Variants in TRAPPC2L observed in about 807,000 individuals in gnomAD.
TRAPPC2L encodes the protein trafficking protein particle complex subunit 2L, also known as trafficking protein particle complex subunit 2-like protein.
A neutral mutation model predicts 13.2 loss-of-function variants in TRAPPC2L; 17 were observed. The observed-to-expected ratio is 1.29, with a 90% confidence interval of 0.88 to 1.93. The LOEUF is 1.93. Ranked by LOEUF, TRAPPC2L falls within the 30% of genes most tolerant of loss-of-function variation. The probability of loss-of-function intolerance (pLI) is 0.00; values close to 1 mark genes in which losing one functional copy is unlikely to be tolerated. For missense variants in TRAPPC2L, 359 were observed against 252.1 expected, an observed-to-expected ratio of 1.42 and a Z score of -2.87; for synonymous variants, 150 against 98.1, an observed-to-expected ratio of 1.53 and a Z score of -3.12.
At chr16:88,857,764 C>T (rs1392354895) in intron 1 of TRAPPC2L, among the ~76,000 whole-genome samples, 1 of 152,230 alleles carries the variant, frequency 6.6e-6, no homozygotes, top group Admixed American at 6.5e-5. Flanking sequence ...CCTTTGCACG[C>T]GGAACACCTC....
chr16:88,861,293 G>C (rs1164875864), exon 4 of TRAPPC2L: 1 of 399,782 alleles, frequency 2.5e-6, no homozygotes, highest in East Asian at 5.8e-5. Flanking sequence ...TGCAGGACCT[G>C]TGACCATGTG....
exon 4 of TRAPPC2L, chr16:88,861,269 A>T (rs1053989623): frequency 2.0e-5 from 8 of 407,798 alleles, no homozygotes; most frequent in African/African-American, 1.6e-4. Context: ...CCTGGAGCCA[A>T]GAGTTCCTGA....
chr16:88,860,093 C>G (rs1032513800), exon 4 of TRAPPC2L: 2 of 937,882 alleles, frequency 2.1e-6, no homozygotes, highest in Non-Finnish European at 3.3e-6. Context: ...GCTATGAGCA[C>G]CATCCCCCTA....
At position 88,861,720 on chromosome 16, in the gene TRAPPC2L, C is replaced by T. The variant is rs139080306; in HGVS notation, c.*1396C>T. The T allele has an allele frequency of 7.1e-3, 3,303 of 463,862 alleles. 28 individuals carry two copies. Among genetic ancestry groups the T allele is most frequent in the Non-Finnish European group, 9.1e-3 (2,076 of 227,634 alleles). The allele number at this position is 463,862 out of a possible 1,614,324, so 28.7% of individuals were successfully genotyped here. ...CGTCCTTGGGGTCCAGCGGTCAAGG[C>T]TCAGCCCGCTGAGGGGACCCCCCCG... is the stretch of plus-strand genomic sequence containing the variant. On this transcript the variant is annotated 3_prime_UTR_variant, in exon 4 of 4. Transcript: ENST00000565504.
chr16:88,857,569 A>G lies in TRAPPC2L; in HGVS notation c.33+386A>G, dbSNP rs148550023. On this transcript the variant is annotated intron_variant, in intron 1 of 3. Transcript: ENST00000565504. Reference sequence around the variant, plus strand: ...CCTCCTGCCAGTCTCCCCGGAGCCGAGTTAAAAACAAATCGGATCCTGTCA... The same window carrying G: ...CCTCCTGCCAGTCTCCCCGGAGCCGGGTTAAAAACAAATCGGATCCTGTCA... 4.5e-3 allele frequency: 1,152 copies of G among 255,844 alleles called. 17 individuals are homozygous for G. Among genetic ancestry groups the G allele is most frequent in the African/African-American group, 0.024 (1,095 of 45,008 alleles). The allele number at this position is 255,844 out of a possible 1,614,324, so 15.8% of individuals were successfully genotyped here.
chr16:88,861,940 A>G (rs1374963716), exon 4 of TRAPPC2L: 1 of 251,316 alleles, frequency 4.0e-6, no homozygotes. Context: ...ATTATAGAAG[A>G]AAAAATCAGC....
At position 88,859,822 on chromosome 16, in the gene TRAPPC2L, G is replaced by A. The variant is rs1968248399; in HGVS notation, c.295-71G>A. 12 of 1,586,022 alleles carry A rather than the reference G, an allele frequency of 7.6e-6. No homozygotes were observed. In the South Asian group the frequency reaches 1.0e-4, roughly 14 times the overall value. ...TTCCTTTTTGACTTTGTTTTGAAAT[G>A]CTGAGAAACTAAAAATCTGGCAGTG... On this transcript the variant is annotated intron_variant, in intron 3 of 3. Transcript: ENST00000565504.
exon 4 of TRAPPC2L, chr16:88,861,745 G>C (rs756516512): frequency 3.5e-5 from 16 of 455,154 alleles, no homozygotes; most frequent in African/African-American, 2.4e-4. Context: ...GGACCCCCCC[G>C]GAGTTGGTTC....
upstream of TRAPPC2L, chr16:88,856,909 G>C (rs556283159): frequency 3.9e-5 from 58 of 1,497,752 alleles, no homozygotes; most frequent in Middle Eastern, 1.1e-3. Context: ...GCCCCGGCCA[G>C]CGAGCCGACC....
At chr16:88,861,026 C>T (rs1457856288) in exon 4 of TRAPPC2L, 3 of 1,499,122 alleles carry the variant, frequency 2.0e-6, no homozygotes, top group Non-Finnish European at 2.7e-6. Flanking sequence ...TCGGTCTGTT[C>T]TGGTTGCCTC....
exon 2 of TRAPPC2L, chr16:88,858,713 T>A: frequency 6.2e-7 from 1 of 1,613,600 alleles, no homozygotes; most frequent in Non-Finnish European, 8.5e-7. Flanking sequence ...GATGAGAAGA[T>A]CTCCGCAATG....
chr16:88,858,708 G>C (rs1884298908), exon 2 of TRAPPC2L: 3 of 1,613,552 alleles, frequency 1.9e-6, no homozygotes, highest in African/African-American at 1.3e-5. Context: ...TGGTGGATGA[G>C]AAGATCTCCG....
intron 1 of TRAPPC2L, chr16:88,857,472 C>T (rs1311006253): frequency 7.2e-6 from 3 of 415,400 alleles, no homozygotes; most frequent in Non-Finnish European, 1.3e-5. Flanking sequence ...GCACTACCTC[C>T]GTCCTCCGTC....
chr16:88,856,808 C>T, upstream of TRAPPC2L: 1 of 1,537,986 alleles, frequency 6.5e-7, no homozygotes, highest in African/African-American at 1.4e-5. Flanking sequence ...GCGCCCGAGG[C>T]CCCCATCCCC....
At chr16:88,861,443 T>C in exon 4 of TRAPPC2L, 1 of 347,348 alleles carries the variant, frequency 2.9e-6, no homozygotes. Context: ...GGACTTGGCC[T>C]CCATTCTTTG....
chr16:88,856,331 G>C (rs571390933), upstream of TRAPPC2L: 94 of 702,628 alleles, frequency 1.3e-4, no homozygotes, highest in Middle Eastern at 2.3e-4. Flanking sequence ...AGGCAGGGCG[G>C]CAGGAGCAGC....
At chr16:88,858,762 C>A in exon 2 of TRAPPC2L, 3 of 1,613,376 alleles carry the variant, frequency 1.9e-6, no homozygotes, top group Non-Finnish European at 2.5e-6. Flanking sequence ...TGTACCTGGG[C>A]CTGCTCTACC....
At chr16:88,857,259 G>C in intron 1 of TRAPPC2L, 76 bp downstream of exon 1, 3 of 1,331,444 alleles carry the variant, frequency 2.3e-6, no homozygotes, top group Non-Finnish European at 3.0e-6. Context: ...TCTTCCCTGG[G>C]CTTAGAAGGC....
chr16:88,856,781 T>C (rs768296954), upstream of TRAPPC2L: 26 of 1,541,112 alleles, frequency 1.7e-5, no homozygotes, highest in Non-Finnish European at 2.0e-5. Flanking sequence ...AGGAGCAGGA[T>C]GTTGGGGGGC....
Sources: allele counts gnomAD v4.1 joint callset (sites outside exome capture counted in the v4.1 genomes callset), GRCh38; gene constraint gnomAD v4.1.1; transcripts MANE v1.5; gene names NCBI Gene and HGNC (gene_info 2026-07-23, HGNC 2026-07-21).